The following IL1RAP variants were observed in gnomAD, a reference collection of about 807,000 sequenced individuals.
IL1RAP encodes interleukin 1 receptor accessory protein.
IL1RAP carries 35 observed loss-of-function variants against 60.7 expected under a neutral mutation model. The ratio of observed to expected loss-of-function variants is 0.58; its 90% confidence interval spans 0.44 to 0.76. The LOEUF is 0.76. IL1RAP is among the 30% of genes least tolerant of loss of function. The pLI, the probability that IL1RAP is intolerant of heterozygous loss-of-function variation, is 0.00. For missense variants in IL1RAP, 572 were observed against 693.9 expected, an observed-to-expected ratio of 0.82 and a Z score of 1.97; for synonymous variants, 268 against 250.9, an observed-to-expected ratio of 1.07 and a Z score of -0.64.
chr3:190,570,961 T>C (rs1726870990), intron 3 of IL1RAP, among the ~76,000 whole-genome samples: 1 of 152,160 alleles, frequency 6.6e-6, no homozygotes, highest in Non-Finnish European at 1.5e-5. Flanking sequence ...GAAAATGTTA[T>C]GGTCTCTTTG....
intron 11 of IL1RAP, among the ~76,000 whole-genome samples, chr3:190,646,620 TAA>T (rs142260116): frequency 6.7e-4 from 102 of 152,350 alleles, no homozygotes; most frequent in East Asian, 5.4e-3. Flanking sequence ...AATAAATATA[TAA>T]GTTACATTCC....
At chr3:190,638,592 G>A (rs1478604486) in intron 9 of IL1RAP, among the ~76,000 whole-genome samples, 1 of 152,108 alleles carries the variant, frequency 6.6e-6, no homozygotes, top group Admixed American at 6.5e-5. Flanking sequence ...GTTTTAATGA[G>A]CAGAGGTTCT....
At chr3:190,626,209 A>T (rs1378532253) in intron 7 of IL1RAP, among the ~76,000 whole-genome samples, 1 of 152,210 alleles carries the variant, frequency 6.6e-6, no homozygotes, top group Non-Finnish European at 1.5e-5. Context: ...TAGGAATATC[A>T]TTTAGCATCC....
At chr3:190,526,794 T>G (rs2108524162) in intron 1 of IL1RAP, among the ~76,000 whole-genome samples, 1 of 152,362 alleles carries the variant, frequency 6.6e-6, no homozygotes, top group Non-Finnish European at 1.5e-5. Context: ...AGGCAGTTTT[T>G]TAGTTGTGCT....
At chr3:190,656,464 C>A (rs1378303495), downstream of IL1RAP, 3 of 1,537,260 alleles carry the variant, frequency 2.0e-6, no homozygotes, top group East Asian at 4.9e-5. Context: ...GGAGACACAC[C>A]TCTGTAAGCC....
intron 1 of IL1RAP, among the ~76,000 whole-genome samples, chr3:190,539,206 T>C (rs571702958): frequency 6.6e-6 from 1 of 152,138 alleles, no homozygotes; most frequent in Non-Finnish European, 1.5e-5. Context: ...TGTATTAATA[T>C]TTTATGAATA....
intron 2 of IL1RAP, among the ~76,000 whole-genome samples, chr3:190,561,102 C>T (rs1224453673): frequency 6.6e-6 from 1 of 152,138 alleles, no homozygotes; most frequent in East Asian, 1.9e-4. Context: ...TAAAGCTAAG[C>T]TCTAATTTAG....
At chr3:190,552,577 T>C (rs1374161032) in intron 1 of IL1RAP, among the ~76,000 whole-genome samples, 2 of 152,226 alleles carry the variant, frequency 1.3e-5, no homozygotes, top group Admixed American at 6.5e-5. Flanking sequence ...CTTATCTTCC[T>C]TTAGGACAAT....
At position 190,522,413 on chromosome 3, in the gene IL1RAP, A is replaced by T. The variant is rs111306082; in HGVS notation, c.-89+8194A>T. 4.0e-3 allele frequency among the ~76,000 whole-genome samples: 505 copies of T among 126,272 alleles called. 4 individuals carry two copies. The highest frequency in any genetic ancestry group is 5.6e-3 in the Non-Finnish European group (335 of 59,598). The allele number at this position is 126,272 out of a possible 152,430, so 82.8% of individuals were successfully genotyped here. Reference sequence around the variant, plus strand: ...TATCTTTCTATGTATCTATCTATGTATCTATGTATCTATCTATCTATCTAT... The same window carrying T: ...TATCTTTCTATGTATCTATCTATGTTTCTATGTATCTATCTATCTATCTAT... On this transcript the variant is annotated intron_variant, in intron 1 of 11. Transcript: ENST00000447382.
In IL1RAP at chr3:190,650,076, T is replaced by A. The variant is rs1433019739; in HGVS notation, c.*1371T>A. On this transcript the variant is annotated 3_prime_UTR_variant, in exon 12 of 12. Transcript: ENST00000447382. ...TGCACATGAAATATATATATATATA[T>A]AATTTGTGTGTGTGTATGTGTATGT... 1.8e-5 allele frequency: 12 copies of A among 680,954 alleles called. No homozygotes were observed. Among genetic ancestry groups the A allele is most frequent in the Non-Finnish European group, 2.0e-5 (11 of 553,104 alleles). 42.2% of individuals were successfully genotyped at this position (680,954 alleles called of 1,614,324 possible). A position where few individuals can be genotyped will look rare whatever the true frequency, so the allele number is the denominator to read the frequency against.
intron 3 of IL1RAP, among the ~76,000 whole-genome samples, chr3:190,570,653 C>T (rs1478149661): frequency 2.0e-5 from 3 of 152,168 alleles, no homozygotes; most frequent in African/African-American, 7.2e-5. Context: ...TCAACCTCCA[C>T]CTCCCAAGTT....
intron 9 of IL1RAP, among the ~76,000 whole-genome samples, chr3:190,643,337 G>A (rs972768381): frequency 2.6e-5 from 4 of 152,036 alleles, no homozygotes; most frequent in African/African-American, 7.2e-5. Flanking sequence ...CATGAGAAAC[G>A]GGCATCATAT....
chr3:190,569,130 G>C (rs1337405683), intron 3 of IL1RAP, among the ~76,000 whole-genome samples: 4 of 152,206 alleles, frequency 2.6e-5, no homozygotes, highest in African/African-American at 9.7e-5. Flanking sequence ...TGGAAAGGTA[G>C]GTTGGGAACA....
chr3:190,531,070 G>T (rs1722946132), intron 1 of IL1RAP, among the ~76,000 whole-genome samples: 1 of 152,040 alleles, frequency 6.6e-6, no homozygotes, highest in Admixed American at 6.6e-5. Flanking sequence ...ACATATCTTT[G>T]TTCATGCTGT....
chr3:190,636,685 C>T (rs1445744717), intron 9 of IL1RAP, among the ~76,000 whole-genome samples: 1 of 151,920 alleles, frequency 6.6e-6, no homozygotes, highest in African/African-American at 2.4e-5. Flanking sequence ...CATCTTTATG[C>T]TTTTATACTT....
intron 3 of IL1RAP, among the ~76,000 whole-genome samples, chr3:190,579,049 C>T (rs995619699): frequency 4.6e-5 from 7 of 152,202 alleles, no homozygotes; most frequent in African/African-American, 1.7e-4. Context: ...CTGATTCTTA[C>T]CAACTTTATC....
At chr3:190,594,568 C>T (rs1031972315) in intron 3 of IL1RAP, among the ~76,000 whole-genome samples, 2 of 152,204 alleles carry the variant, frequency 1.3e-5, no homozygotes, top group Admixed American at 6.5e-5. Context: ...AAATTTCAAA[C>T]CTTTTCTATT....
chr3:190,555,839 C>T (rs1299365313), intron 1 of IL1RAP: 2 of 152,118 alleles, frequency 1.3e-5, no homozygotes, highest in Non-Finnish European at 1.5e-5. Flanking sequence ...ACTCCTCCTT[C>T]CAGCCTTGAA....
chr3:190,630,306 T>C (rs551941245), intron 9 of IL1RAP: 4 of 548,840 alleles, frequency 7.3e-6, no homozygotes, highest in South Asian at 1.6e-4. Flanking sequence ...TCTAAAACTT[T>C]CTTTGTGTCT....
Sources: gnomAD v4.1 joint callset for allele counts (sites outside exome capture counted in the v4.1 genomes callset) on GRCh38, gnomAD v4.1.1 for gene constraint, MANE v1.5 for transcripts, NCBI Gene and HGNC (gene_info 2026-07-23, HGNC 2026-07-21) for gene names.